The following CHRNA2 variants were observed in gnomAD, a reference collection of about 807,000 sequenced individuals.
CHRNA2 encodes cholinergic receptor nicotinic alpha 2 subunit.
In CHRNA2, 40 loss-of-function variants were observed where a neutral mutation model predicts 45.5. That is an observed-to-expected ratio of 0.88 (90% CI 0.68 to 1.15). CHRNA2 has a LOEUF of 1.15. CHRNA2 is among the 50% of genes most tolerant of loss of function. CHRNA2 has a pLI of 0.00. For synonymous variants in CHRNA2, 301 were observed against 296.7 expected (o/e 1.01, Z -0.15); for missense variants, 655 against 701.7 (o/e 0.93, Z 0.75).
rs752751788 is a variant in CHRNA2, at chr8:27,463,875, A to G, written c.568T>C (p.Phe190Leu). ...KSSCSIDVTF[F>L]PFDQQNCKMK... Reference sequence around the variant, plus strand: ...TTGCAGTTCTGCTGGTCGAAGGGGAAGAAGGTGACGTCGATGCTGCAGGAG... The same window carrying G: ...TTGCAGTTCTGCTGGTCGAAGGGGAGGAAGGTGACGTCGATGCTGCAGGAG... Residue 190 changes from phenylalanine (F) to leucine (L), a missense_variant, in exon 6 of 7, where the codon TTC becomes CTC. Transcript: ENST00000407991. The surrounding 1 kb of genome is among the most constrained non-coding windows in gnomAD (Gnocchi z 6.1). 2 of 1,614,184 alleles carry G rather than the reference A, an allele frequency of 1.2e-6. No homozygotes were observed. Among genetic ancestry groups the G allele is most frequent in the Admixed American group, 1.7e-5 (1 of 60,018 alleles).
intron 1 of CHRNA2, among the ~76,000 whole-genome samples, chr8:27,473,971 G>C (rs1002641225): frequency 3.9e-5 from 6 of 152,184 alleles, no homozygotes; most frequent in Non-Finnish European, 8.8e-5. Flanking sequence ...CCACTGGCTG[G>C]TGATGATCTG....
In CHRNA2 at chr8:27,466,677, T is replaced by A. The variant is rs550138378; in HGVS notation, c.449+552A>T. On this transcript the variant is annotated intron_variant, in intron 5 of 6. Coordinates refer to ENST00000407991, the MANE Select transcript of CHRNA2 (RefSeq NM_000742.4). ...AAATTATAGATGTCTATTTATTCCA[T>A]CAAAATATTTTTTATTGATTTATTT... is the stretch of plus-strand genomic sequence containing the variant. Among the ~76,000 whole-genome samples the A allele has an allele frequency of 3.9e-5, 6 of 152,372 alleles. No individual in the cohort carries two copies. The South Asian group carries it at 1.2e-3, about 32-fold the overall frequency.
Position 27,463,444 on chromosome 8 carries a change from C to T in CHRNA2, c.999G>A (p.Leu333=). 1 of 1,614,214 alleles carries T rather than the reference C, an allele frequency of 6.2e-7. No individual in the cohort carries two copies. Among genetic ancestry groups the T allele is most frequent in the Non-Finnish European group, 8.5e-7 (1 of 1,180,052 alleles). Residue 333 remains leucine (L), a synonymous_variant, in exon 6 of 7, where the codon CTG becomes CTA. Transcript: ENST00000407991. This position sits in a 1 kb window ranked among gnomAD's most constrained non-coding sequence, Gnocchi z 6.1. ...ACAGGGTGACGAAGATCATGGTGAACAGCAGGTACTCGCCGATGAGCGGGA... is the reference window on the plus strand; with the variant it reads ...ACAGGGTGACGAAGATCATGGTGAATAGCAGGTACTCGCCGATGAGCGGGA... ...LVIPLIGEYL[L]FTMIFVTLSI...
At chr8:27,473,956 C>T (rs1812981774) in intron 1 of CHRNA2, among the ~76,000 whole-genome samples, 1 of 152,170 alleles carries the variant, frequency 6.6e-6, no homozygotes, top group African/African-American at 2.4e-5. Context: ...TGAGTCCTGG[C>T]CCCACCACTG....
chr8:27,465,851 G>A (rs747442919), intron 5 of CHRNA2, among the ~76,000 whole-genome samples: 1 of 152,208 alleles, frequency 6.6e-6, no homozygotes, highest in Non-Finnish European at 1.5e-5. Context: ...ACCTTGAGTG[G>A]GGTATCTGGG....
Position 27,460,244 on chromosome 8 carries a change from C to G in CHRNA2, c.*1385G>C, listed in dbSNP as rs1409012868. The G allele has an allele frequency of 6.6e-6, 1 of 152,212 alleles. No homozygotes were observed. Among genetic ancestry groups the G allele is most frequent in the Admixed American group, 6.5e-5 (1 of 15,276 alleles). The allele number at this position is 152,212 out of a possible 1,614,324, so 9.4% of individuals were successfully genotyped here. ...CAGAGTTGGGGGGAGGTCTGTTGCC[C>G]GATCCCAGGAGCAGCAGCTCGGCCT... On this transcript the variant is annotated 3_prime_UTR_variant, in exon 7 of 7. Coordinates refer to ENST00000407991, the MANE Select transcript of CHRNA2 (RefSeq NM_000742.4).
rs1397983639 is a variant in CHRNA2, at chr8:27,469,923, G to A, written c.132C>T (p.Pro44=). The stretch of plus-strand genomic sequence containing the variant: ...CTCCCTGCGGCAATGCCGTGGGACT[G>A]GGAGAGGAGAGTGGGTCTCCAGGAG... ...PRAPGDPLSS[P]SPTALPQGGS... Residue 44 remains proline (P), a synonymous_variant, in exon 3 of 7, where the codon CCC becomes CCT. Transcript: ENST00000407991. The A allele has an allele frequency of 6.2e-7, 1 of 1,614,034 alleles. No individual in the cohort carries two copies. The highest frequency in any genetic ancestry group is 8.5e-7 in the Non-Finnish European group (1 of 1,180,046).
At chr8:27,471,465 C>T (rs186984638) in intron 1 of CHRNA2, among the ~76,000 whole-genome samples, 20 of 152,306 alleles carry the variant, frequency 1.3e-4, no homozygotes, top group Non-Finnish European at 2.6e-4. Context: ...ATTGCTTTGC[C>T]TCAGTGGTCA....
chr8:27,473,923 G>A (rs1812979751), intron 1 of CHRNA2, among the ~76,000 whole-genome samples: 1 of 152,198 alleles, frequency 6.6e-6, no homozygotes, highest in South Asian at 2.1e-4. Context: ...TGAGAGCAGG[G>A]CTGGCACTGG....
At position 27,463,119 on chromosome 8, in the gene CHRNA2, G is replaced by A. The variant is rs56298562; in HGVS notation, c.1324C>T (p.Leu442=). The part of the protein sequence containing the change: ...SVGTLCSHGH[L]HSGASGPKAE... ...TTGGGACCTGAGGCCCCAGAGTGCAGGTGGCCGTGGCTGCAGAGGGTGCCC... is the reference window on the plus strand; with the variant it reads ...TTGGGACCTGAGGCCCCAGAGTGCAAGTGGCCGTGGCTGCAGAGGGTGCCC... Residue 442 remains leucine (L), a synonymous_variant, in exon 6 of 7, where the codon CTG becomes TTG. Transcript: ENST00000407991. This position sits in a 1 kb window ranked among gnomAD's most constrained non-coding sequence, Gnocchi z 6.1. 0.025 allele frequency: 40,679 copies of A among 1,608,776 alleles called. 678 individuals carry two copies. Among genetic ancestry groups the A allele is most frequent in the South Asian group, 0.039 (3,574 of 90,988 alleles).
intron 4 of CHRNA2, 29 bp from the exon 5 acceptor site, chr8:27,467,367 C>T (rs780763744): frequency 3.5e-5 from 54 of 1,563,858 alleles, no homozygotes; most frequent in Non-Finnish European, 2.5e-5. Flanking sequence ...TTGTGTCAAC[C>T]TCGCTTCCAG....
chr8:27,463,996 G>A lies in CHRNA2; in HGVS notation c.450-3C>T. 3.7e-6 allele frequency: 6 copies of A among 1,614,094 alleles called. No individual in the cohort carries two copies. The highest frequency in any genetic ancestry group is 2.5e-6 in the Non-Finnish European group (3 of 1,180,026). On this transcript the variant is annotated splice_polypyrimidine_tract_variant and splice_region_variant and intron_variant, in intron 5 of 6. Coordinates refer to ENST00000407991, the MANE Select transcript of CHRNA2 (RefSeq NM_000742.4). This position sits in a 1 kb window ranked among gnomAD's most constrained non-coding sequence, Gnocchi z 6.1. ...TCACTGCAAACTCCCCATCTGCACT[G>A]AGAAGAGGAGAGGAGCTGGGGAGAC...
rs760884840 is a variant in CHRNA2 at position 27,463,484 on chromosome 8, G to A, written c.959C>T (p.Ser320Phe). 1 of 1,614,206 alleles carries A rather than the reference G, an allele frequency of 6.2e-7. No individual in the cohort carries two copies. Among genetic ancestry groups the A allele is most frequent in the South Asian group, 1.1e-5 (1 of 91,080 alleles). The change falls in exon 6 of 7, where the codon TCC becomes TTC. Residue 320 changes from serine to phenylalanine, a missense_variant. Ser to Phe is a radical substitution (Grantham distance 155). Around this residue, in one of 3 missense-constraint regions of CHRNA2, gnomAD observed 295 missense variants for 280.4 expected, o/e 1.05. Coordinates refer to ENST00000407991, the MANE Select transcript of CHRNA2 (RefSeq NM_000742.4). This position sits in a 1 kb window ranked among gnomAD's most constrained non-coding sequence, Gnocchi z 6.1. ...GATGAGCGGGATGACCAGCGAGGTG[G>A]ACGGGATGATCTCAGTGATGAGCAG... is the stretch of plus-strand genomic sequence containing the variant. ...FLLLITEIIP[S>F]TSLVIPLIGE...
At chr8:27,472,130 C>T (rs1044963283) in intron 1 of CHRNA2, among the ~76,000 whole-genome samples, 69 of 152,298 alleles carry the variant, frequency 4.5e-4, no homozygotes, top group African/African-American at 1.6e-3. Flanking sequence ...AGCTCCGTGC[C>T]CCTTCCCAAA....
chr8:27,463,807 G>C lies in CHRNA2; in HGVS notation c.636C>G (p.Asp212Glu). The C allele has an allele frequency of 6.2e-7, 1 of 1,614,192 alleles. No homozygotes were observed. Among genetic ancestry groups the C allele is most frequent in the South Asian group, 1.1e-5 (1 of 91,086 alleles). Residue 212 changes from aspartate (D) to glutamate (E), a missense_variant, in exon 6 of 7, where the codon GAC becomes GAG. Around this residue, in one of 3 missense-constraint regions of CHRNA2, gnomAD observed 323 missense variants for 354.4 expected, o/e 0.91. Coordinates refer to ENST00000407991, the MANE Select transcript of CHRNA2 (RefSeq NM_000742.4). The surrounding 1 kb of genome is among the most constrained non-coding windows in gnomAD (Gnocchi z 6.1). ...CCACAGTCTGCTCCATCTGCTCCAGGTCGATCTTGGCCTTGTCATAAGTCC... is the reference window on the plus strand; with the variant it reads ...CCACAGTCTGCTCCATCTGCTCCAGCTCGATCTTGGCCTTGTCATAAGTCC... ...GSWTYDKAKI[D>E]LEQMEQTVDL...
chr8:27,463,805 A>T lies in CHRNA2; in HGVS notation c.638T>A (p.Leu213Gln). Reference protein sequence around the residue: ...SWTYDKAKIDLEQMEQTVDLK... With the variant: ...SWTYDKAKIDQEQMEQTVDLK... ...GTCCACAGTCTGCTCCATCTGCTCCAGGTCGATCTTGGCCTTGTCATAAGT... is the reference window on the plus strand; with the variant it reads ...GTCCACAGTCTGCTCCATCTGCTCCTGGTCGATCTTGGCCTTGTCATAAGT... The change falls in exon 6 of 7, where the codon CTG becomes CAG. Residue 213 changes from leucine (L) to glutamine (Q), a missense_variant. Coordinates refer to ENST00000407991, the MANE Select transcript of CHRNA2 (RefSeq NM_000742.4). This position sits in a 1 kb window ranked among gnomAD's most constrained non-coding sequence, Gnocchi z 6.1. 6.2e-7 allele frequency: 1 copy of T among 1,614,168 alleles called. No homozygotes were observed. The highest frequency in any genetic ancestry group is 8.5e-7 in the Non-Finnish European group (1 of 1,180,038).
At chr8:27,464,048 G>A in intron 5 of CHRNA2, 55 bp from the exon 6 acceptor site, 13 of 1,603,204 alleles carry the variant, frequency 8.1e-6, no homozygotes, top group Middle Eastern at 2.0e-4. Context: ...GCCTGAGCCA[G>A]GCTACTCAGA....
At chr8:27,467,854 G>T (rs1257997671) in intron 4 of CHRNA2, among the ~76,000 whole-genome samples, 3 of 152,146 alleles carry the variant, frequency 2.0e-5, no homozygotes, top group South Asian at 2.1e-4. Flanking sequence ...GGTGTTACCC[G>T]GGGACCTTCA....
chr8:27,462,426 C>G (rs1236937449), intron 6 of CHRNA2, among the ~76,000 whole-genome samples: 1 of 151,620 alleles, frequency 6.6e-6, no homozygotes, highest in African/African-American at 2.4e-5. Context: ...GGGCAGGGGT[C>G]AGGGTGGGGC....
Sources: allele counts gnomAD v4.1 joint callset (sites outside exome capture counted in the v4.1 genomes callset), GRCh38; gene constraint gnomAD v4.1.1; regional missense constraint gnomAD v4.1.1; non-coding constraint Gnocchi (gnomAD v3.1); transcripts MANE v1.5; gene names NCBI Gene and HGNC (gene_info 2026-07-23, HGNC 2026-07-21).